The following FYN variants were observed in gnomAD, a reference collection of about 807,000 sequenced individuals.
FYN encodes the protein tyrosine-protein kinase Fyn.
Under a neutral mutation model 70.2 loss-of-function variants are expected in FYN, and 10 were observed. The observed-to-expected ratio is 0.14, with a 90% CI of 0.09 to 0.24. The LOEUF (loss-of-function observed/expected upper bound fraction) is 0.24, where lower values mean the gene tolerates loss of function less well. Ranked by LOEUF, FYN falls within the 10% of genes least tolerant of loss-of-function variation. The pLI, the probability that FYN is intolerant of heterozygous loss-of-function variation, is 1.00. For synonymous variants in FYN, 236 were observed against 248.6 expected, an observed-to-expected ratio of 0.95 and a Z score of 0.48; for missense variants, 319 against 673.1, an observed-to-expected ratio of 0.47 and a Z score of 5.82.
At chr6:111,747,003 T>C (rs1802255473) in intron 3 of FYN, among the ~76,000 whole-genome samples, 1 of 152,196 alleles carries the variant, frequency 6.6e-6, no homozygotes, top group Admixed American at 6.5e-5. Flanking sequence ...TCAATATAAA[T>C]GGTTAGGTAC....
chr6:111,760,512 G>T (rs1160097108), intron 3 of FYN, among the ~76,000 whole-genome samples: 1 of 152,192 alleles, frequency 6.6e-6, no homozygotes, highest in African/African-American at 2.4e-5. Context: ...TGTGTGTTAT[G>T]CAAAATGGCA....
intron 13 of FYN, among the ~76,000 whole-genome samples, chr6:111,663,149 C>T (rs755367229): frequency 3.3e-5 from 5 of 152,234 alleles, no homozygotes; most frequent in African/African-American, 4.8e-5. Flanking sequence ...CTGTGCTGTG[C>T]TTTGGTTGCT....
intron 3 of FYN, among the ~76,000 whole-genome samples, chr6:111,750,598 T>C (rs2128486436): frequency 6.6e-6 from 1 of 152,330 alleles, no homozygotes; most frequent in Admixed American, 6.5e-5. Flanking sequence ...AAATATTTGT[T>C]GAGAAAAGAA....
At chr6:111,712,592 A>C (rs933157343) in intron 5 of FYN, among the ~76,000 whole-genome samples, 7 of 152,166 alleles carry the variant, frequency 4.6e-5, no homozygotes, top group Admixed American at 4.6e-4. Flanking sequence ...GCAGTTTCCT[A>C]ATCTGGGCCT....
chr6:111,866,513 T>TGTATTTTTA (rs1774110931), intron 1 of FYN, among the ~76,000 whole-genome samples: 1 of 152,184 alleles, frequency 6.6e-6, no homozygotes, highest in African/African-American at 2.4e-5. Context: ...GGCTAATTTT[T>TGTATTTTTA]GTATTTTTAG....
At chr6:111,812,954 G>A (rs2114317555) in intron 2 of FYN, among the ~76,000 whole-genome samples, 1 of 152,118 alleles carries the variant, frequency 6.6e-6, no homozygotes, top group East Asian at 1.9e-4. Flanking sequence ...CACGATTGTT[G>A]CCCTCATGTA....
intron 12 of FYN, among the ~76,000 whole-genome samples, chr6:111,684,561 C>T (rs1329050680): frequency 1.3e-5 from 2 of 152,088 alleles, no homozygotes; most frequent in Non-Finnish European, 2.9e-5. Context: ...GAAGGGCATT[C>T]GATCCAGACA....
At chr6:111,683,756 T>C (rs1005989593) in intron 12 of FYN, among the ~76,000 whole-genome samples, 4 of 151,260 alleles carry the variant, frequency 2.6e-5, no homozygotes, top group Admixed American at 1.3e-4. Context: ...ACAATGCCAA[T>C]AACAGAAATT....
chr6:111,735,398 G>A (rs188713833), intron 3 of FYN, among the ~76,000 whole-genome samples: 2 of 152,302 alleles, frequency 1.3e-5, no homozygotes, highest in Admixed American at 1.3e-4. Flanking sequence ...TTTCCTAGGT[G>A]CAATATGCAA....
chr6:111,823,051 G>T (rs919137470), intron 2 of FYN, among the ~76,000 whole-genome samples: 14 of 152,236 alleles, frequency 9.2e-5, no homozygotes, highest in African/African-American at 3.4e-4. Context: ...CAAGTGAGGT[G>T]AGCTGGGAGC....
chr6:111,804,452 G>A (rs1268827207), intron 2 of FYN, among the ~76,000 whole-genome samples: 1 of 152,174 alleles, frequency 6.6e-6, no homozygotes, highest in Non-Finnish European at 1.5e-5. Flanking sequence ...CACAGGAATA[G>A]GATGCTACAT....
intron 1 of FYN, among the ~76,000 whole-genome samples, chr6:111,872,612 A>C (rs937843766): frequency 6.6e-6 from 1 of 152,070 alleles, no homozygotes; most frequent in African/African-American, 2.4e-5. Context: ...ACATTAAAAC[A>C]ACACACACAG....
intron 4 of FYN, chr6:111,719,570 T>C (rs148772529): frequency 1.0e-5 from 5 of 487,316 alleles, no homozygotes; most frequent in African/African-American, 7.7e-5. Context: ...CTAACCCATA[T>C]AGAATCCTCA....
At chr6:111,691,688 C>T (rs1440768237) in intron 12 of FYN, among the ~76,000 whole-genome samples, 3 of 152,182 alleles carry the variant, frequency 2.0e-5, no homozygotes, top group African/African-American at 7.2e-5. Context: ...GAAGGTCTCT[C>T]CAACTCCCTC....
At chr6:111,813,915 G>A (rs992251606) in intron 2 of FYN, 3 of 152,202 alleles carry the variant, frequency 2.0e-5, no homozygotes, top group Admixed American at 6.5e-5. Flanking sequence ...TGGCTCTGAC[G>A]CCCTTGCCAG....
At chr6:111,850,916 G>C (rs1221884000) in intron 1 of FYN, among the ~76,000 whole-genome samples, 1 of 152,148 alleles carries the variant, frequency 6.6e-6, no homozygotes, top group Non-Finnish European at 1.5e-5. Context: ...CGTTTCCCCA[G>C]GAAAAATGTA....
intron 3 of FYN, among the ~76,000 whole-genome samples, chr6:111,763,703 C>T (rs1193774362): frequency 6.6e-6 from 1 of 152,154 alleles, no homozygotes; most frequent in African/African-American, 2.4e-5. Flanking sequence ...TGCTACAAAA[C>T]TTTTAACTAT....
chr6:111,738,675 T>C lies in FYN; in HGVS notation c.-11-18613A>G, dbSNP rs1006382922. Among the ~76,000 whole-genome samples the C allele has an allele frequency of 6.6e-5, 10 of 152,152 alleles. No individual in the cohort carries two copies. The South Asian group carries it at 1.0e-3, about 16-fold the overall frequency. On this transcript the variant is annotated intron_variant, in intron 3 of 13. Transcript: ENST00000354650. The stretch of plus-strand genomic sequence containing the variant: ...ACCTAGTGATGGGCTTGGGTCGGCA[T>C]TGGCATCATCCTCATTTTCAACACA...
Position 111,832,248 on chromosome 6 carries a change from A to AC in FYN, c.-82+14340dup, listed in dbSNP as rs1161445386. 2.6e-5 allele frequency among the ~76,000 whole-genome samples: 4 copies of AC among 152,318 alleles called. No homozygotes were observed. In the East Asian group the frequency reaches 7.7e-4, roughly 29 times the overall value. On this transcript the variant is annotated intron_variant, in intron 2 of 13. Coordinates refer to ENST00000354650, the MANE Select transcript of FYN (RefSeq NM_002037.5). ...GTGCTTCCAGGGATAGCGCCGAAGG[A>AC]CTGGATTGTGTTAAATTCATTCCTA...
Sources: allele counts gnomAD v4.1 joint callset (sites outside exome capture counted in the v4.1 genomes callset), GRCh38; gene constraint gnomAD v4.1.1; transcripts MANE v1.5; gene names NCBI Gene and HGNC (gene_info 2026-07-23, HGNC 2026-07-21).